The following PVT1 variants were observed in gnomAD, a reference collection of about 807,000 sequenced individuals.
The protein encoded by PVT1 is Pvt1 oncogene, also known as CXCR4/PVT1 fusion.
chr8:127,936,150 C>G (rs150002263), intron 3 of PVT1, among the ~76,000 whole-genome samples: 2,715 of 149,678 alleles, frequency 0.018, 85 homozygotes, highest in African/African-American at 0.064. Context: ...GTCCCAGGTT[C>G]AAGTGATTCT....
At chr8:127,921,765 A>G (rs2129866917) in intron 3 of PVT1, among the ~76,000 whole-genome samples, 1 of 150,366 alleles carries the variant, frequency 6.7e-6, no homozygotes, top group Admixed American at 6.6e-5. Context: ...GTGAGCCAAC[A>G]TCACGTCACT....
At chr8:127,961,866 G>A (rs1816647120) in intron 3 of PVT1, among the ~76,000 whole-genome samples, 1 of 152,212 alleles carries the variant, frequency 6.6e-6, no homozygotes, top group Admixed American at 6.5e-5. Context: ...CTGGTTTCTG[G>A]CTTCAACAAT....
rs546840374 is a variant in PVT1, at chr8:127,853,181, A to C, written n.373-37408A>C. On this transcript the variant is annotated intron_variant and non_coding_transcript_variant, in intron 2 of 10. Coordinates refer to ENST00000651587, the Ensembl canonical transcript of PVT1. ...ATATAGCCTCCCAGAGAATTCCTAT[A>C]ATGCAATCGTGAAAGAACCATACCC... is the stretch of plus-strand genomic sequence containing the variant. 3.3e-5 allele frequency among the ~76,000 whole-genome samples: 5 copies of C among 152,260 alleles called. No individual in the cohort carries two copies. In the South Asian group the frequency reaches 1.0e-3, roughly 32 times the overall value.
chr8:127,885,400 T>C (rs1563630294), intron 2 of PVT1, among the ~76,000 whole-genome samples: 2 of 152,220 alleles, frequency 1.3e-5, no homozygotes, highest in East Asian at 3.8e-4. Flanking sequence ...CAGAACTTTA[T>C]TTGTCATGGT....
chr8:127,937,580 C>CACACACACACACACAGAGAG (rs59006608), intron 3 of PVT1, among the ~76,000 whole-genome samples: 25 of 107,788 alleles, frequency 2.3e-4, no homozygotes, highest in African/African-American at 8.9e-4. Flanking sequence ...CACACACACA[C>CACACACACACACACAGAGAG]AGAGAGAGAG....
At chr8:128,056,401 A>G (rs1037939147) in intron 4 of PVT1, among the ~76,000 whole-genome samples, 5 of 152,234 alleles carry the variant, frequency 3.3e-5, no homozygotes, top group Admixed American at 2.6e-4. Flanking sequence ...ATACACCTAC[A>G]TATGTATATA....
intron 2 of PVT1, among the ~76,000 whole-genome samples, chr8:127,882,559 C>T (rs1815480357): frequency 6.6e-6 from 1 of 152,086 alleles, no homozygotes; most frequent in African/African-American, 2.4e-5. Context: ...TCTCGGCTCA[C>T]TGCAACCTCC....
chr8:127,814,849 C>T (rs1814641465), intron 2 of PVT1, among the ~76,000 whole-genome samples: 1 of 152,238 alleles, frequency 6.6e-6, no homozygotes, highest in Non-Finnish European at 1.5e-5. Context: ...TCCCCCTCCC[C>T]TCATCCCCTG....
chr8:128,017,388 C>A (rs1290464901), intron 4 of PVT1, among the ~76,000 whole-genome samples: 1 of 152,156 alleles, frequency 6.6e-6, no homozygotes, highest in African/African-American at 2.4e-5. Flanking sequence ...GTTCCTGAGA[C>A]ATGAAGAATG....
chr8:127,914,260 CAAAAAAAAAAAAAAAAAAAAA>C (rs60359946), intron 3 of PVT1, among the ~76,000 whole-genome samples: 31 of 47,864 alleles, frequency 6.5e-4, no homozygotes, highest in South Asian at 1.1e-3. Flanking sequence ...CCACCAACAG[CAAAAAAAAAAAAAAAAAAAAA>C]AAAAAAAAAA....
intron 3 of PVT1, among the ~76,000 whole-genome samples, chr8:127,960,968 G>T (rs1479898544): frequency 2.6e-5 from 4 of 151,298 alleles, no homozygotes; most frequent in African/African-American, 9.7e-5. Context: ...GGCACGAATA[G>T]GGGAGGAATT....
At position 127,937,607 on chromosome 8, in the gene PVT1, A is replaced by AGACC. The variant is rs1230246910; in HGVS notation, n.782+46610_782+46613dup. Among the ~76,000 whole-genome samples, 163 of 150,986 alleles carry AGACC rather than the reference A, an allele frequency of 1.1e-3. 1 individual carries two copies. Among genetic ancestry groups the AGACC allele is most frequent in the African/African-American group, 3.8e-3 (158 of 41,170 alleles). On this transcript the variant is annotated intron_variant and non_coding_transcript_variant, in intron 3 of 10. Transcript: ENST00000651587. ...GAGAGAGAGAGAGAGAGAGAGAGAG[A>AGACC]GACCAACGTGGCCTCTCTAAATAGG... is the stretch of plus-strand genomic sequence containing the variant.
At chr8:128,074,350 AAAAAAT>A (rs1295675759) in intron 5 of PVT1, among the ~76,000 whole-genome samples, 2 of 117,774 alleles carry the variant, frequency 1.7e-5, no homozygotes, top group Non-Finnish European at 3.7e-5. Context: ...ACTAAAAATG[AAAAAAT>A]AAAAATAAAA....
chr8:127,882,454 A>G (rs1815478841), intron 2 of PVT1, among the ~76,000 whole-genome samples: 1 of 151,914 alleles, frequency 6.6e-6, no homozygotes, highest in Non-Finnish European at 1.5e-5. Context: ...GATAAAGGAG[A>G]CATCGTCTTT....
chr8:127,854,330 G>T (rs544450762), intron 2 of PVT1, among the ~76,000 whole-genome samples: 83 of 152,308 alleles, frequency 5.4e-4, no homozygotes, highest in African/African-American at 2.0e-3. Flanking sequence ...GCAGCTCAGG[G>T]GCTTGCTCAT....
intron 2 of PVT1, among the ~76,000 whole-genome samples, chr8:127,822,577 A>G (rs1238723841): frequency 1.3e-5 from 2 of 152,208 alleles, no homozygotes; most frequent in Non-Finnish European, 2.9e-5. Context: ...ACTCTGTCTC[A>G]GAAAAGAAAG....
intron 4 of PVT1, among the ~76,000 whole-genome samples, chr8:128,021,379 C>T (rs1309981721): frequency 6.8e-6 from 1 of 147,598 alleles, no homozygotes; most frequent in East Asian, 2.0e-4. Flanking sequence ...CTGCAAGCTC[C>T]GCCTCCTGGG....
intron 5 of PVT1, among the ~76,000 whole-genome samples, chr8:128,090,982 G>C (rs1814343388): frequency 6.6e-6 from 1 of 152,204 alleles, no homozygotes; most frequent in Admixed American, 6.5e-5. Context: ...TCCCAGGTCA[G>C]TTCCTGATCC....
chr8:127,825,732 A>C (rs1814780414), intron 2 of PVT1, among the ~76,000 whole-genome samples: 1 of 152,138 alleles, frequency 6.6e-6, no homozygotes, highest in Non-Finnish European at 1.5e-5. Context: ...TAGCCGCGTC[A>C]CTCAACCTTG....
Sources: allele counts gnomAD v4.1 joint callset (sites outside exome capture counted in the v4.1 genomes callset), GRCh38; gene constraint gnomAD v4.1.1; transcripts MANE v1.5; gene names NCBI Gene and HGNC (gene_info 2026-07-23, HGNC 2026-07-21).